The following SUCLG2 variants were observed in gnomAD, a reference collection of about 807,000 sequenced individuals.
The protein encoded by SUCLG2 is succinate--CoA ligase [GDP-forming] subunit beta, mitochondrial.
Under a neutral mutation model 47.9 loss-of-function variants are expected in SUCLG2, and 42 were observed. That is an observed-to-expected ratio of 0.88 (90% CI 0.69 to 1.14). The LOEUF is 1.14. SUCLG2 is among the 50% of genes most tolerant of loss of function. The pLI, the probability that SUCLG2 is intolerant of heterozygous loss-of-function variation, is 0.00. For synonymous variants in SUCLG2, 195 were observed against 197.3 expected (o/e 0.99, Z 0.10); for missense variants, 571 against 525.9 (o/e 1.09, Z -0.84).
Position 67,495,887 on chromosome 3 carries a change from C to T in SUCLG2, c.973G>A (p.Gly325Arg), listed in dbSNP as rs1180594799. The T allele has an allele frequency of 1.2e-6, 2 of 1,614,026 alleles. No individual in the cohort carries two copies. Among genetic ancestry groups the T allele is most frequent in the Admixed American group, 3.3e-5 (2 of 59,994 alleles). Reference sequence around the variant, plus strand: ...AGATCCAAGAAGTTGGCTGGCTTCCCACCATTAAGGAAAATGATATCACAA... The same window carrying T: ...AGATCCAAGAAGTTGGCTGGCTTCCTACCATTAAGGAAAATGATATCACAA... ...ATCDIIFLNG[G>R]KPANFLDLGG... The change falls in exon 9 of 11, where the codon GGG becomes AGG. Residue 325 changes from glycine to arginine, a missense_variant. Gly to Arg is a moderately radical substitution (Grantham distance 125). Coordinates refer to ENST00000307227, the MANE Select transcript of SUCLG2 (RefSeq NM_003848.4).
At chr3:67,482,165 G>A (rs1179846072) in intron 9 of SUCLG2, among the ~76,000 whole-genome samples, 1 of 151,600 alleles carries the variant, frequency 6.6e-6, no homozygotes, top group African/African-American at 2.4e-5. Flanking sequence ...GAGTGACAGA[G>A]TGAGACTATC....
intron 10 of SUCLG2, among the ~76,000 whole-genome samples, chr3:67,365,713 T>C (rs1016595953): frequency 3.3e-5 from 5 of 152,210 alleles, no homozygotes; most frequent in African/African-American, 1.2e-4. Context: ...CAATTTTAAG[T>C]TGAAATCTTA....
In SUCLG2 at chr3:67,382,032, A is replaced by C. The variant is rs116552120; in HGVS notation, c.1184-6173T>G. Among the ~76,000 whole-genome samples, 938 of 152,338 alleles carry C rather than the reference A, an allele frequency of 6.2e-3. 12 individuals carry two copies. The highest frequency in any genetic ancestry group is 0.01 in the Middle Eastern group (3 of 294). On this transcript the variant is annotated intron_variant, in intron 10 of 10. Transcript: ENST00000307227. ...CCTTTTATCATAAGGCTGTGAAGAA[A>C]ATCATTTTCCAGTCTGGAAATATGT...
intron 9 of SUCLG2, among the ~76,000 whole-genome samples, chr3:67,461,879 GA>G (rs931558531): frequency 6.6e-6 from 1 of 152,048 alleles, no homozygotes; most frequent in African/African-American, 2.4e-5. Flanking sequence ...AGTGAGGAGG[GA>G]GAGGAAGAAC....
chr3:67,429,629 G>A (rs1420271100), intron 9 of SUCLG2, among the ~76,000 whole-genome samples: 2 of 152,168 alleles, frequency 1.3e-5, no homozygotes, highest in Non-Finnish European at 2.9e-5. Context: ...TGAGCTAAAT[G>A]CTCCAAATAA....
chr3:67,473,790 T>C (rs776780609), intron 9 of SUCLG2, among the ~76,000 whole-genome samples: 1 of 152,242 alleles, frequency 6.6e-6, no homozygotes, highest in African/African-American at 2.4e-5. Flanking sequence ...CTGTGTTTAA[T>C]TAAAACCACT....
rs116219018 is a variant in SUCLG2, at chr3:67,450,405, C to T, written c.1062+45393G>A. Reference sequence around the variant, plus strand: ...GGCTGCCAGTGGCTCTGAGCCAAAGCAAAGTGTTTAAGCCATATTGGCACC... The same window carrying T: ...GGCTGCCAGTGGCTCTGAGCCAAAGTAAAGTGTTTAAGCCATATTGGCACC... On this transcript the variant is annotated intron_variant, in intron 9 of 10. Coordinates refer to ENST00000307227, the MANE Select transcript of SUCLG2 (RefSeq NM_003848.4). 8.2e-3 allele frequency among the ~76,000 whole-genome samples: 1,249 copies of T among 152,230 alleles called. 19 individuals are homozygous for T. The highest frequency in any genetic ancestry group is 0.029 in the African/African-American group (1,188 of 41,532).
chr3:67,484,499 C>A (rs2107025743), intron 9 of SUCLG2, among the ~76,000 whole-genome samples: 1 of 152,244 alleles, frequency 6.6e-6, no homozygotes, highest in Non-Finnish European at 1.5e-5. Context: ...ACAGGGGCTA[C>A]AGATAATGAA....
chr3:67,375,258 T>G lies in SUCLG2; in HGVS notation c.*486A>C. On this transcript the variant is annotated 3_prime_UTR_variant, in exon 11 of 11. Coordinates refer to ENST00000307227, the MANE Select transcript of SUCLG2 (RefSeq NM_003848.4). ...TGTGTAATAGCTATTTGCTTGAATG[T>G]CTTAGCAGTGCCTTTTTAGTAGCTA... 1.0e-6 allele frequency: 1 copy of G among 985,946 alleles called. No homozygotes were observed. Among genetic ancestry groups the G allele is most frequent in the Non-Finnish European group, 1.2e-6 (1 of 829,954 alleles). The allele number at this position is 985,946 out of a possible 1,614,324, so 61.1% of individuals were successfully genotyped here. A position where few individuals can be genotyped will look rare whatever the true frequency, so the allele number is the denominator to read the frequency against.
intron 2 of SUCLG2, among the ~76,000 whole-genome samples, chr3:67,582,250 A>C (rs1707899193): frequency 6.6e-6 from 1 of 152,066 alleles, no homozygotes; most frequent in Non-Finnish European, 1.5e-5. Flanking sequence ...TAGTTTTCCA[A>C]TCTTCACCCT....
At chr3:67,395,425 A>G (rs1451349598) in intron 10 of SUCLG2, among the ~76,000 whole-genome samples, 1 of 152,240 alleles carries the variant, frequency 6.6e-6, no homozygotes, top group Non-Finnish European at 1.5e-5. Flanking sequence ...ACAGACAAAG[A>G]AGGCCATTAC....
intron 6 of SUCLG2, among the ~76,000 whole-genome samples, chr3:67,512,098 C>T (rs907122761): frequency 5.3e-5 from 8 of 151,180 alleles, no homozygotes; most frequent in Admixed American, 1.3e-4. Flanking sequence ...TCAAGCAATC[C>T]TCTTGTCTCA....
At chr3:67,590,587 T>C (rs1405316000) in intron 2 of SUCLG2, among the ~76,000 whole-genome samples, 3 of 152,194 alleles carry the variant, frequency 2.0e-5, no homozygotes, top group African/African-American at 7.2e-5. Flanking sequence ...TCTCACCATG[T>C]GACATGCCTA....
chr3:67,553,983 C>T (rs1372696111), intron 2 of SUCLG2, among the ~76,000 whole-genome samples: 1 of 152,062 alleles, frequency 6.6e-6, no homozygotes, highest in Non-Finnish European at 1.5e-5. Context: ...AATTCTAAAC[C>T]TTCCTTGGGT....
intron 1 of SUCLG2, among the ~76,000 whole-genome samples, chr3:67,631,995 A>C (rs1700933752): frequency 6.6e-6 from 1 of 152,380 alleles, no homozygotes; most frequent in African/African-American, 2.4e-5. Flanking sequence ...AGACAAGGTC[A>C]GGCACTTCCC....
chr3:67,533,356 G>A (rs541094347), intron 2 of SUCLG2, among the ~76,000 whole-genome samples: 33 of 152,202 alleles, frequency 2.2e-4, no homozygotes, highest in African/African-American at 7.9e-4. Flanking sequence ...TCATCTATTT[G>A]GAGTCAATAA....
intron 2 of SUCLG2, among the ~76,000 whole-genome samples, chr3:67,585,733 C>T (rs755242327): frequency 1.3e-5 from 2 of 151,858 alleles, no homozygotes; most frequent in Non-Finnish European, 2.9e-5. Context: ...GAGGCTGAGG[C>T]GGGCAGATCA....
rs1040027858 is a variant in SUCLG2 at position 67,568,812 on chromosome 3, G to A, written c.227-39626C>T. Among the ~76,000 whole-genome samples, 29 of 152,104 alleles carry A rather than the reference G, an allele frequency of 1.9e-4. 1 individual carries two copies. Among genetic ancestry groups the A allele is most frequent in the African/African-American group, 7.0e-4 (29 of 41,434 alleles). On this transcript the variant is annotated intron_variant, in intron 2 of 10. Coordinates refer to ENST00000307227, the MANE Select transcript of SUCLG2 (RefSeq NM_003848.4). ...TGAGGCAGGAGAATGGCGTGAACCC[G>A]GGAGGCGGAGCTTGCAGTGAGCCGA...
chr3:67,408,755 T>C (rs1444582513), intron 9 of SUCLG2: 1 of 1,337,866 alleles, frequency 7.5e-7, no homozygotes. Context: ...TTAATTTTCC[T>C]AGGTGCTAAA....
Sources: gnomAD v4.1 joint callset for allele counts (sites outside exome capture counted in the v4.1 genomes callset) on GRCh38, gnomAD v4.1.1 for gene constraint, MANE v1.5 for transcripts, NCBI Gene and HGNC (gene_info 2026-07-23, HGNC 2026-07-21) for gene names.